The following RBFOX1 variants were observed in gnomAD, a reference collection of about 807,000 sequenced individuals.
RBFOX1 encodes RNA binding protein fox-1 homolog 1.
In RBFOX1, 8 loss-of-function variants were observed where a neutral mutation model predicts 57.7. The observed-to-expected ratio is 0.14, with a 90% confidence interval of 0.08 to 0.25. The LOEUF is 0.25. Among genes scored for constraint, RBFOX1 ranks in the 10% least tolerant of loss-of-function variants. RBFOX1 has a pLI of 1.00. For synonymous variants in RBFOX1, 326 were observed against 222.4 expected, an observed-to-expected ratio of 1.47 and a Z score of -4.15; for missense variants, 611 against 548.5, an observed-to-expected ratio of 1.11 and a Z score of -1.14.
chr16:7,118,251 ATTG>A (rs1369660774), intron 4 of RBFOX1, among the ~76,000 whole-genome samples: 1 of 152,086 alleles, frequency 6.6e-6, no homozygotes, highest in African/African-American at 2.4e-5. Flanking sequence ...GCTAACATCT[ATTG>A]TTGTTTCACT....
rs151251799 is a variant in RBFOX1, at chr16:6,064,852, T to C, written c.-127+44860T>C. Among the ~76,000 whole-genome samples, 4 of 152,174 alleles carry C rather than the reference T, an allele frequency of 2.6e-5. No individual in the cohort carries two copies. In the East Asian group the frequency reaches 7.7e-4, roughly 29 times the overall value. On this transcript the variant is annotated intron_variant, in intron 1 of 15. Coordinates refer to ENST00000550418, the MANE Select transcript of RBFOX1 (RefSeq NM_018723.4). ...CCATCAATGATTTCCAAACCTGACATTGTATTTGAATTGCACACACACACT... is the reference window on the plus strand; with the variant it reads ...CCATCAATGATTTCCAAACCTGACACTGTATTTGAATTGCACACACACACT...
chr16:5,812,374 G>T (rs1411226703), intron 3 of RBFOX1, among the ~76,000 whole-genome samples: 1 of 151,878 alleles, frequency 6.6e-6, no homozygotes, highest in Admixed American at 6.6e-5. Flanking sequence ...TTTCCAGAGT[G>T]GTTGAACCAT....
rs902055466 is a variant in RBFOX1 at position 6,564,126 on chromosome 16, G to C, written c.-63-90477G>C. Among the ~76,000 whole-genome samples the C allele has an allele frequency of 9.9e-5, 15 of 152,038 alleles. 1 individual carries two copies. The highest frequency in any genetic ancestry group is 8.5e-4 in the Admixed American group (13 of 15,256). ...TAGCCTACACTGTGGATTGTTCTAG[G>C]CTCTTTAATTTTCTGTTTTCCACGA... is the stretch of plus-strand genomic sequence containing the variant. On this transcript the variant is annotated intron_variant, in intron 2 of 15. Transcript: ENST00000550418.
chr16:5,699,390 G>T (rs11646262), intron 3 of RBFOX1, among the ~76,000 whole-genome samples: 84,248 of 143,610 alleles, frequency 0.59, 26,492 homozygotes, highest in Non-Finnish European at 0.72. Context: ...TTTTTCTCCT[G>T]CTCTTGGGTC....
intron 2 of RBFOX1, among the ~76,000 whole-genome samples, chr16:6,450,860 T>TACATGTATATAC (rs1171874913): frequency 1.3e-5 from 1 of 75,864 alleles, no homozygotes; most frequent in East Asian, 4.4e-4. Context: ...TATATATATA[T>TACATGTATATAC]ATATATATAT....
chr16:6,160,826 G>C (rs1221261105), intron 1 of RBFOX1, among the ~76,000 whole-genome samples: 1 of 152,256 alleles, frequency 6.6e-6, no homozygotes, highest in African/African-American at 2.4e-5. Flanking sequence ...CTCAAGATCA[G>C]CTCTGTTGTC....
intron 3 of RBFOX1, among the ~76,000 whole-genome samples, chr16:5,832,729 G>T (rs2056322965): frequency 6.6e-6 from 1 of 152,178 alleles, no homozygotes; most frequent in South Asian, 2.1e-4. Flanking sequence ...GGAATTAACA[G>T]AAATTTAAAA....
At chr16:6,242,666 TC>T (rs145518511) in intron 1 of RBFOX1, among the ~76,000 whole-genome samples, 5,539 of 86,838 alleles carry the variant, frequency 0.064, 135 homozygotes, top group Middle Eastern at 0.17. Context: ...ACACACACAT[TC>T]CTTAAAATGT....
chr16:6,710,179 A>C (rs1022916593), intron 3 of RBFOX1, among the ~76,000 whole-genome samples: 4 of 152,186 alleles, frequency 2.6e-5, no homozygotes, highest in African/African-American at 9.6e-5. Context: ...TGTAGTTTCT[A>C]ATTTGGTTTA....
intron 1 of RBFOX1, among the ~76,000 whole-genome samples, chr16:5,274,990 C>G (rs10852653): frequency 0.54 from 81,471 of 151,520 alleles, 22,963 homozygotes; most frequent in African/African-American, 0.73. Flanking sequence ...TGATGCGAAG[C>G]TTGGGTAAAT....
chr16:6,614,926 T>C (rs1426134677), intron 2 of RBFOX1, among the ~76,000 whole-genome samples: 1 of 152,234 alleles, frequency 6.6e-6, no homozygotes, highest in Non-Finnish European at 1.5e-5. Context: ...CTTCACCGTA[T>C]CTTTTTGTTG....
intron 2 of RBFOX1, among the ~76,000 whole-genome samples, chr16:5,572,152 G>A (rs577409940): frequency 1.3e-5 from 2 of 152,302 alleles, no homozygotes; most frequent in East Asian, 1.9e-4. Flanking sequence ...AATCTAGGTG[G>A]TCCGTGGAGC....
intron 3 of RBFOX1, among the ~76,000 whole-genome samples, chr16:6,882,960 A>G (rs992650342): frequency 7.9e-5 from 12 of 152,192 alleles, no homozygotes; most frequent in African/African-American, 2.9e-4. Context: ...CTGCTTTAGC[A>G]ATCAATAAAT....
At chr16:6,643,004 A>T (rs984985439) in intron 2 of RBFOX1, among the ~76,000 whole-genome samples, 29 of 152,180 alleles carry the variant, frequency 1.9e-4, no homozygotes, top group African/African-American at 7.0e-4. Flanking sequence ...ATTTAGGTTG[A>T]AACCATAGAC....
At chr16:6,543,923 G>A (rs552933385) in intron 2 of RBFOX1, among the ~76,000 whole-genome samples, 2 of 152,172 alleles carry the variant, frequency 1.3e-5, no homozygotes, top group Non-Finnish European at 2.9e-5. Context: ...TGGCATTTGG[G>A]GAATAAAAAG....
rs78666433 is a variant in RBFOX1 at position 6,912,393 on chromosome 16, G to T, written c.-15-139664G>T. Among the ~76,000 whole-genome samples, 13 of 150,440 alleles carry T rather than the reference G, an allele frequency of 8.6e-5. No individual in the cohort carries two copies. In the South Asian group the frequency reaches 2.3e-3, roughly 27 times the overall value. ...TCTCGGAGTGGGGACGGTACATTTT[G>T]CGAACCACGGGGCTACTGAAATGAG... On this transcript the variant is annotated intron_variant, in intron 3 of 15. Transcript: ENST00000550418.
chr16:5,381,393 A>G (rs1215057830), intron 1 of RBFOX1, among the ~76,000 whole-genome samples: 1 of 152,250 alleles, frequency 6.6e-6, no homozygotes, highest in Admixed American at 6.5e-5. Context: ...AATTGTGTCT[A>G]AAACCCTAAC....
At chr16:5,934,799 C>T (rs963968929) in intron 4 of RBFOX1, among the ~76,000 whole-genome samples, 2 of 152,200 alleles carry the variant, frequency 1.3e-5, no homozygotes, top group Non-Finnish European at 1.5e-5. Context: ...GGATGAATAA[C>T]ATACTCAGAC....
chr16:6,839,232 G>A (rs750967840), intron 3 of RBFOX1, among the ~76,000 whole-genome samples: 3 of 152,160 alleles, frequency 2.0e-5, no homozygotes, highest in South Asian at 2.1e-4. Context: ...TGATCCACCC[G>A]CCTCAGCCCC....
Sources: allele counts gnomAD v4.1 joint callset (sites outside exome capture counted in the v4.1 genomes callset), GRCh38; gene constraint gnomAD v4.1.1; transcripts MANE v1.5; gene names NCBI Gene and HGNC (gene_info 2026-07-23, HGNC 2026-07-21).